HS6ST2: variants seen among roughly 807,000 people sequenced by gnomAD.
HS6ST2 encodes the protein heparan-sulfate 6-O-sulfotransferase 2.
Under a neutral mutation model 33.0 loss-of-function variants are expected in HS6ST2, and 17 were observed. That is an observed-to-expected ratio of 0.52 (90% confidence interval 0.35 to 0.77). HS6ST2 has a LOEUF of 0.77. Among genes scored for constraint, HS6ST2 ranks in the 30% least tolerant of loss-of-function variants. The probability of loss-of-function intolerance (pLI) is 0.01; values close to 1 mark genes in which losing one functional copy is unlikely to be tolerated. For synonymous variants in HS6ST2, 248 were observed against 237.1 expected, an observed-to-expected ratio of 1.05 and a Z score of -0.42; for missense variants, 519 against 551.7, an observed-to-expected ratio of 0.94 and a Z score of 0.59.
chrX:132,643,733 T>C (rs2063619474), intron 4 of HS6ST2, among the ~76,000 whole-genome samples: 1 of 111,522 alleles, frequency 9.0e-6, no homozygotes. Context: ...GCAACCCCTC[T>C]ATTTGGTTGA....
intron 4 of HS6ST2, among the ~76,000 whole-genome samples, chrX:132,654,879 T>G (rs1258658361): frequency 8.9e-6 from 1 of 112,129 alleles, no homozygotes; most frequent in African/African-American, 3.2e-5. Flanking sequence ...GCTGGAGAGA[T>G]AAGCAAACAA....
intron 2 of HS6ST2, among the ~76,000 whole-genome samples, chrX:132,857,940 T>C (rs2065869870): frequency 1.8e-5 from 2 of 112,213 alleles, no homozygotes; most frequent in Non-Finnish European, 3.8e-5. Flanking sequence ...GCATGGCACC[T>C]AACTATAAAT....
intron 3 of HS6ST2, among the ~76,000 whole-genome samples, chrX:132,672,804 G>A (rs764392783): frequency 8.9e-6 from 1 of 112,442 alleles, no homozygotes; most frequent in Non-Finnish European, 1.9e-5. Flanking sequence ...AGCATTTTCA[G>A]TGTTTCTGAT....
chrX:132,857,310 C>A (rs2065861501), intron 2 of HS6ST2, among the ~76,000 whole-genome samples: 1 of 110,345 alleles, frequency 9.1e-6, no homozygotes, highest in African/African-American at 3.3e-5. Flanking sequence ...ATGGTGAAAC[C>A]CCGCCTCTAC....
chrX:132,931,000 G>C (rs2066763087), intron 2 of HS6ST2, among the ~76,000 whole-genome samples: 1 of 111,514 alleles, frequency 9.0e-6, no homozygotes, highest in African/African-American at 3.3e-5. Context: ...AGAAAATTGT[G>C]ACTTAGCTCT....
chrX:132,754,194 C>A (rs997922735), intron 2 of HS6ST2, among the ~76,000 whole-genome samples: 4 of 110,353 alleles, frequency 3.6e-5, no homozygotes, highest in African/African-American at 6.6e-5. Context: ...GAATCCCATT[C>A]TATTGGAATT....
At chrX:132,906,207 C>A (rs1415901115) in intron 2 of HS6ST2, among the ~76,000 whole-genome samples, 1 of 112,226 alleles carries the variant, frequency 8.9e-6, no homozygotes, top group East Asian at 2.8e-4. Flanking sequence ...CTCAATAAAG[C>A]TTTATAAACT....
At chrX:132,943,860 A>C (rs1468289492) in intron 2 of HS6ST2, among the ~76,000 whole-genome samples, 1 of 111,898 alleles carries the variant, frequency 8.9e-6, no homozygotes, top group Admixed American at 9.5e-5. Context: ...GACGTATCTC[A>C]AAATAATAAC....
At chrX:132,756,478 C>T (rs62599022) in intron 2 of HS6ST2, among the ~76,000 whole-genome samples, 54,783 of 109,356 alleles carry the variant, frequency 0.5, 10,381 homozygotes, top group African/African-American at 0.57. Context: ...GCCCTGAAGG[C>T]TCGCTCTCCC....
intron 2 of HS6ST2, among the ~76,000 whole-genome samples, chrX:132,894,520 GTTAT>G: frequency 1.0e-5 from 1 of 99,386 alleles, no homozygotes; most frequent in Non-Finnish European, 2.0e-5. Flanking sequence ...GTTATGTTAT[GTTAT>G]GTTATTTATT....
At chrX:132,772,545 T>C (rs970422887) in intron 2 of HS6ST2, among the ~76,000 whole-genome samples, 1 of 104,976 alleles carries the variant, frequency 9.5e-6, no homozygotes, top group African/African-American at 3.4e-5. Context: ...AATAATTGTA[T>C]GCAATATAAT....
intron 4 of HS6ST2, among the ~76,000 whole-genome samples, chrX:132,630,723 GGT>G (rs1414253977): frequency 6.3e-5 from 7 of 111,404 alleles, no homozygotes; most frequent in Non-Finnish European, 1.3e-4. Context: ...GAGGTGGGTG[GGT>G]TGCTTGAGGT....
At chrX:132,850,999 C>A (rs1372185816) in intron 2 of HS6ST2, among the ~76,000 whole-genome samples, 1 of 111,939 alleles carries the variant, frequency 8.9e-6, no homozygotes, top group Non-Finnish European at 1.9e-5. Flanking sequence ...AATTAATGGT[C>A]TATTTTTTGT....
chrX:132,819,874 C>T (rs1034778754), intron 2 of HS6ST2, among the ~76,000 whole-genome samples: 11 of 112,452 alleles, frequency 9.8e-5, no homozygotes, highest in African/African-American at 2.9e-4. Context: ...ACCGATAGAG[C>T]CCACCCAGTA....
chrX:132,734,719 A>C (rs1043601998), intron 2 of HS6ST2, among the ~76,000 whole-genome samples: 6 of 112,605 alleles, frequency 5.3e-5, no homozygotes, highest in Non-Finnish European at 1.1e-4. Flanking sequence ...GTCTCTTTAC[A>C]AGCAAAGCCA....
At chrX:132,793,844 T>C (rs1461885380) in intron 2 of HS6ST2, among the ~76,000 whole-genome samples, 1 of 112,557 alleles carries the variant, frequency 8.9e-6, no homozygotes, top group Non-Finnish European at 1.9e-5. Flanking sequence ...ACTTCTTCCT[T>C]TTGGAATTTC....
chrX:132,827,432 C>T (rs187186855), intron 2 of HS6ST2, among the ~76,000 whole-genome samples: 44 of 108,153 alleles, frequency 4.1e-4, no homozygotes, highest in Non-Finnish European at 6.9e-4. Flanking sequence ...CAGCAAAGGA[C>T]GAGAAAGATG....
chrX:132,713,525 G>A (rs995591266), intron 2 of HS6ST2, among the ~76,000 whole-genome samples: 1 of 111,180 alleles, frequency 9.0e-6, no homozygotes, highest in Non-Finnish European at 1.9e-5. Context: ...TCACTGATAT[G>A]GGAGAGGGTT....
intron 3 of HS6ST2, among the ~76,000 whole-genome samples, chrX:132,700,583 C>T (rs1049625407): frequency 3.9e-4 from 42 of 107,845 alleles, no homozygotes; most frequent in African/African-American, 1.4e-3. Context: ...TGGTCAAGAC[C>T]GTGAGACCAA....
Sources: allele counts gnomAD v4.1 joint callset (sites outside exome capture counted in the v4.1 genomes callset), GRCh38; gene constraint gnomAD v4.1.1; transcripts MANE v1.5; gene names NCBI Gene and HGNC (gene_info 2026-07-23, HGNC 2026-07-21).